Variants in CPEB3 observed in about 807,000 individuals in gnomAD.
The protein encoded by CPEB3 is cytoplasmic polyadenylation element binding protein 3.
CPEB3 carries 20 observed loss-of-function variants against 67.2 expected under a neutral mutation model. That is an observed-to-expected ratio of 0.30 (90% confidence interval 0.21 to 0.43). CPEB3 has a LOEUF of 0.43. Ranked by LOEUF, CPEB3 falls within the 20% of genes least tolerant of loss-of-function variation. The pLI, the probability that CPEB3 is intolerant of heterozygous loss-of-function variation, is 1.00. For synonymous variants in CPEB3, 376 were observed against 393.1 expected, an observed-to-expected ratio of 0.96 and a Z score of 0.51; for missense variants, 746 against 968.6, an observed-to-expected ratio of 0.77 and a Z score of 3.05.
chr10:92,079,966 C>T (rs1564760959), intron 9 of CPEB3, among the ~76,000 whole-genome samples: 1 of 151,332 alleles, frequency 6.6e-6, no homozygotes, highest in African/African-American at 2.4e-5. Flanking sequence ...TTTGGGAGGC[C>T]GAGGCAGGTG....
chr10:92,287,233 A>G (rs1466837938), intron 1 of CPEB3, among the ~76,000 whole-genome samples: 1 of 151,744 alleles, frequency 6.6e-6, no homozygotes. Context: ...GGTTCAAGCG[A>G]TTCTCCTATC....
At chr10:92,167,590 C>G (rs1220294996) in intron 4 of CPEB3, among the ~76,000 whole-genome samples, 1 of 152,114 alleles carries the variant, frequency 6.6e-6, no homozygotes, top group African/African-American at 2.4e-5. Flanking sequence ...AAGTGCAGTT[C>G]ATGGCATCCC....
intron 7 of CPEB3, among the ~76,000 whole-genome samples, chr10:92,093,443 A>T (rs567707047): frequency 2.0e-5 from 3 of 152,268 alleles, no homozygotes; most frequent in Admixed American, 2.0e-4. Flanking sequence ...TGTGGCAATT[A>T]TACTTTCAAA....
intron 9 of CPEB3, among the ~76,000 whole-genome samples, chr10:92,072,445 A>T (rs1318524381): frequency 6.6e-6 from 1 of 152,192 alleles, no homozygotes; most frequent in Non-Finnish European, 1.5e-5. Context: ...GCAATAATAC[A>T]AATCAACATC....
At chr10:92,237,995 C>G (rs962357058) in intron 2 of CPEB3, among the ~76,000 whole-genome samples, 5 of 152,282 alleles carry the variant, frequency 3.3e-5, no homozygotes, top group African/African-American at 1.2e-4. Context: ...TCTCAATAAC[C>G]TCATCTCTTC....
intron 9 of CPEB3, among the ~76,000 whole-genome samples, chr10:92,054,823 T>C (rs1486610467): frequency 6.6e-6 from 1 of 152,148 alleles, no homozygotes; most frequent in Admixed American, 6.5e-5. Flanking sequence ...AATCCCACAG[T>C]TGGATATTGT....
rs745360340 is a variant in CPEB3 at position 92,239,375 on chromosome 10, C to G, written c.976G>C (p.Asp326His). The G allele has an allele frequency of 6.2e-7, 1 of 1,606,436 alleles. No homozygotes were observed. Among genetic ancestry groups the G allele is most frequent in the South Asian group, 1.1e-5 (1 of 89,768 alleles). ...SWMEDNAFRTDNGNNLLPFQD... is the reference protein window; with the variant it reads ...SWMEDNAFRTHNGNNLLPFQD... ...AATGGCAACAGATTGTTACCATTAT[C>G]GGTCCGGAAAGCGTTATCCTCCATC... The change falls in exon 2 of 10, where the codon GAT (aspartate) becomes CAT (histidine). Residue 326 changes from aspartate to histidine, a missense_variant. Asp to His is a moderately conservative substitution (Grantham distance 81). Transcript: ENST00000265997. The surrounding 1 kb of genome is among the most constrained non-coding windows in gnomAD (Gnocchi z 6.0).
chr10:92,111,453 T>C (rs1024973456), intron 6 of CPEB3, among the ~76,000 whole-genome samples: 1 of 152,224 alleles, frequency 6.6e-6, no homozygotes, highest in African/African-American at 2.4e-5. Flanking sequence ...TTATCCTTAA[T>C]GAGGGCAAGT....
intron 6 of CPEB3, among the ~76,000 whole-genome samples, chr10:92,133,373 A>G (rs1018846817): frequency 6.6e-6 from 1 of 152,228 alleles, no homozygotes; most frequent in Non-Finnish European, 1.5e-5. Flanking sequence ...AACTACCATC[A>G]AAGAATACTA....
At chr10:92,224,153 G>C (rs1333347036) in intron 2 of CPEB3, among the ~76,000 whole-genome samples, 1 of 152,180 alleles carries the variant, frequency 6.6e-6, no homozygotes, top group Non-Finnish European at 1.5e-5. Flanking sequence ...ACCCACCACA[G>C]CCTCCCAAAG....
chr10:92,206,076 CT>C lies in CPEB3; in HGVS notation c.1006-13441del, dbSNP rs575156457. Among the ~76,000 whole-genome samples the C allele has an allele frequency of 4.7e-3, 651 of 139,104 alleles. 1 individual carries two copies. The highest frequency in any genetic ancestry group is 0.011 in the Middle Eastern group (3 of 266). The allele number at this position is 139,104 out of a possible 152,430, so 91.3% of individuals were successfully genotyped here. On this transcript the variant is annotated intron_variant, in intron 2 of 9. Coordinates refer to ENST00000265997, the MANE Select transcript of CPEB3 (RefSeq NM_014912.5). Reference sequence around the variant, plus strand: ...GTCATAAAGTCAAGTCCAGTAAATACTTTTTTTTTTTTTTTTGGAGACAGAG... The same window carrying C: ...GTCATAAAGTCAAGTCCAGTAAATACTTTTTTTTTTTTTTTGGAGACAGAG...
chr10:92,079,997 G>A (rs564048801), intron 9 of CPEB3, among the ~76,000 whole-genome samples: 10 of 151,432 alleles, frequency 6.6e-5, no homozygotes, highest in Admixed American at 5.9e-4. Context: ...TCAGGAGATC[G>A]AGACCATCCT....
intron 9 of CPEB3, among the ~76,000 whole-genome samples, chr10:92,071,173 C>A (rs1347283154): frequency 7.2e-5 from 11 of 151,986 alleles, no homozygotes; most frequent in African/African-American, 2.7e-4. Flanking sequence ...TGATTCTAGT[C>A]TAGTATCCTT....
chr10:92,155,750 T>C (rs1393459378), intron 4 of CPEB3, among the ~76,000 whole-genome samples: 1 of 152,130 alleles, frequency 6.6e-6, no homozygotes, highest in Admixed American at 6.5e-5. Flanking sequence ...AGGGACCAAG[T>C]CATTCTAGGA....
At chr10:92,080,605 T>C (rs1206289573) in intron 9 of CPEB3, among the ~76,000 whole-genome samples, 1 of 152,076 alleles carries the variant, frequency 6.6e-6, no homozygotes, top group South Asian at 2.1e-4. Context: ...TTTTCTTTTT[T>C]TTTTTTTAGA....
intron 8 of CPEB3, among the ~76,000 whole-genome samples, chr10:92,090,125 C>A (rs1213999613): frequency 6.6e-6 from 1 of 152,118 alleles, no homozygotes; most frequent in Non-Finnish European, 1.5e-5. Context: ...ACTTGTATGT[C>A]TGTGACTTAG....
At chr10:92,286,415 T>C (rs888051073) in intron 1 of CPEB3, among the ~76,000 whole-genome samples, 2 of 151,550 alleles carry the variant, frequency 1.3e-5, no homozygotes, top group African/African-American at 4.8e-5. Context: ...AGAAACCTCA[T>C]CTCTACTAAA....
At chr10:92,162,358 CT>C (rs1847529170) in intron 4 of CPEB3, among the ~76,000 whole-genome samples, 2 of 151,826 alleles carry the variant, frequency 1.3e-5, no homozygotes. Context: ...ATTTGTGATA[CT>C]ACATTGAGCA....
intron 2 of CPEB3, 23 bp from the exon 3 acceptor site, chr10:92,192,659 G>C (rs900468893): frequency 6.5e-7 from 1 of 1,540,838 alleles, no homozygotes; most frequent in Non-Finnish European, 8.8e-7. Flanking sequence ...ACAAAAACAA[G>C]ACAATACATA....
Sources: allele counts gnomAD v4.1 joint callset (sites outside exome capture counted in the v4.1 genomes callset), GRCh38; gene constraint gnomAD v4.1.1; non-coding constraint Gnocchi (gnomAD v3.1); transcripts MANE v1.5; gene names NCBI Gene and HGNC (gene_info 2026-07-23, HGNC 2026-07-21).